The following CDH13 variants were observed in gnomAD, a reference collection of about 807,000 sequenced individuals.
CDH13 encodes the protein cadherin 13.
Under a neutral mutation model 63.8 loss-of-function variants are expected in CDH13, and 24 were observed. That is an observed-to-expected ratio of 0.38 (90% CI 0.27 to 0.53). The LOEUF is 0.53. Among genes scored for constraint, CDH13 ranks in the 20% least tolerant of loss-of-function variants. The probability of loss-of-function intolerance (pLI) is 0.85; values close to 1 mark genes in which losing one functional copy is unlikely to be tolerated. For synonymous variants in CDH13, 503 were observed against 355.3 expected, an observed-to-expected ratio of 1.42 and a Z score of -4.67; for missense variants, 1,049 against 903.1, an observed-to-expected ratio of 1.16 and a Z score of -2.07.
intron 8 of CDH13, among the ~76,000 whole-genome samples, chr16:83,653,968 A>T (rs1567485849): frequency 6.6e-6 from 1 of 152,174 alleles, no homozygotes. Context: ...GAAATGAACG[A>T]GTGGCTAGGA....
chr16:82,946,642 A>G (rs941079623), intron 2 of CDH13, among the ~76,000 whole-genome samples: 5 of 152,070 alleles, frequency 3.3e-5, no homozygotes, highest in Admixed American at 3.3e-4. Context: ...AATTGCTTGA[A>G]ACCAGGAGGT....
chr16:82,665,104 G>T (rs960417103), intron 1 of CDH13, among the ~76,000 whole-genome samples: 1 of 152,254 alleles, frequency 6.6e-6, no homozygotes, highest in East Asian at 1.9e-4. Context: ...TTCAAACTAG[G>T]TGAGACTGCC....
chr16:82,898,341 A>G (rs749083265), intron 2 of CDH13, among the ~76,000 whole-genome samples: 9 of 152,300 alleles, frequency 5.9e-5, no homozygotes, highest in Non-Finnish European at 2.9e-5. Flanking sequence ...CCTGGCCAAC[A>G]TCGTGAAACC....
rs369479481 is a variant in CDH13, at chr16:83,659,180, C to T, written c.1102-11610C>T. Among the ~76,000 whole-genome samples, 6 of 143,842 alleles carry T rather than the reference C, an allele frequency of 4.2e-5. No homozygotes were observed. In the East Asian group the frequency reaches 1.3e-3, roughly 32 times the overall value. The allele number at this position is 143,842 out of a possible 152,430, so 94.4% of individuals were successfully genotyped here. A position where few individuals can be genotyped will look rare whatever the true frequency, so the allele number is the denominator to read the frequency against. ...TCCTCACCACCAGGTCCCATATCCT[C>T]ACCAGGAAGGTCCCATATCCTCACC... On this transcript the variant is annotated intron_variant, in intron 8 of 13. Coordinates refer to ENST00000567109, the MANE Select transcript of CDH13 (RefSeq NM_001257.5).
chr16:82,926,178 C>T (rs775961654), intron 2 of CDH13: 6 of 151,992 alleles, frequency 3.9e-5, no homozygotes, highest in Admixed American at 6.6e-5. Context: ...TTACAGGCCA[C>T]AGGGTCTTTG....
chr16:83,529,776 T>G (rs1472933424), intron 7 of CDH13, among the ~76,000 whole-genome samples: 1 of 152,204 alleles, frequency 6.6e-6, no homozygotes, highest in East Asian at 1.9e-4. Flanking sequence ...AATATTGATA[T>G]TGATTTTAAA....
Position 83,617,170 on chromosome 16 carries a change from C to T in CDH13, c.1101+14576C>T, listed in dbSNP as rs143967435. On this transcript the variant is annotated intron_variant, in intron 8 of 13. Coordinates refer to ENST00000567109, the MANE Select transcript of CDH13 (RefSeq NM_001257.5). ...TTTAAGCCCATCTCCTTTTCATCTC[C>T]GCCTCTAGGGCCAAGCACAGGGGCA... Among the ~76,000 whole-genome samples, 22 of 152,282 alleles carry T rather than the reference C, an allele frequency of 1.4e-4. No individual in the cohort carries two copies. The East Asian group carries it at 3.1e-3, about 21-fold the overall frequency.
At chr16:83,282,112 T>C (rs2089192929) in intron 5 of CDH13, among the ~76,000 whole-genome samples, 1 of 152,124 alleles carries the variant, frequency 6.6e-6, no homozygotes, top group Non-Finnish European at 1.5e-5. Context: ...GAATGGCTGC[T>C]CATTGCAGCA....
intron 2 of CDH13, among the ~76,000 whole-genome samples, chr16:83,031,106 A>C (rs773140575): frequency 8.6e-5 from 13 of 150,416 alleles, no homozygotes; most frequent in Non-Finnish European, 1.6e-4. Flanking sequence ...GTATGTGTAC[A>C]TATGTGTACA....
At chr16:82,963,379 C>T (rs1354882875) in intron 2 of CDH13, among the ~76,000 whole-genome samples, 1 of 152,080 alleles carries the variant, frequency 6.6e-6, no homozygotes, top group Non-Finnish European at 1.5e-5. Context: ...AACTCTGTCT[C>T]AAAGAAAAGA....
chr16:83,153,507 G>A (rs955498482), intron 4 of CDH13, among the ~76,000 whole-genome samples: 1 of 152,168 alleles, frequency 6.6e-6, no homozygotes, highest in African/African-American at 2.4e-5. Context: ...TTTGTTTCGG[G>A]AAAGGGCTGT....
At chr16:83,529,568 AT>A (rs897965259) in intron 7 of CDH13, among the ~76,000 whole-genome samples, 9 of 152,124 alleles carry the variant, frequency 5.9e-5, no homozygotes, top group Non-Finnish European at 1.3e-4. Flanking sequence ...TGTGCATGCC[AT>A]TTTTTTGTGA....
At chr16:82,948,454 C>T (rs905127468) in intron 2 of CDH13, among the ~76,000 whole-genome samples, 2 of 152,160 alleles carry the variant, frequency 1.3e-5, no homozygotes, top group Admixed American at 6.5e-5. Context: ...GTCTTCATCA[C>T]AGTCCCAAAA....
chr16:82,987,237 C>T (rs1028313286), intron 2 of CDH13, among the ~76,000 whole-genome samples: 1 of 152,188 alleles, frequency 6.6e-6, no homozygotes, highest in African/African-American at 2.4e-5. Context: ...ACTGCTGTAT[C>T]CCTTAAACTC....
intron 11 of CDH13, among the ~76,000 whole-genome samples, chr16:83,755,289 T>G (rs1913412674): frequency 6.6e-6 from 1 of 151,864 alleles, no homozygotes; most frequent in Non-Finnish European, 1.5e-5. Flanking sequence ...GGAAGCACAG[T>G]GAGGATAAAG....
At chr16:83,269,550 T>A (rs1381708275) in intron 5 of CDH13, among the ~76,000 whole-genome samples, 1 of 152,162 alleles carries the variant, frequency 6.6e-6, no homozygotes, top group African/African-American at 2.4e-5. Flanking sequence ...CCATGGGAAC[T>A]CAGAGAACAG....
intron 4 of CDH13, among the ~76,000 whole-genome samples, chr16:83,186,927 A>G (rs112641851): frequency 0.012 from 1,860 of 152,296 alleles, 28 homozygotes; most frequent in African/African-American, 0.041. Flanking sequence ...GAGATATTTT[A>G]ATGAAAATTG....
intron 2 of CDH13, among the ~76,000 whole-genome samples, chr16:83,020,035 T>C (rs186368611): frequency 2.0e-4 from 31 of 152,290 alleles, no homozygotes; most frequent in Non-Finnish European, 3.1e-4. Flanking sequence ...TCTGACGTTA[T>C]GACAGCTACC....
At position 83,616,136 on chromosome 16, in the gene CDH13, A is replaced by G. The variant is rs539126819; in HGVS notation, c.1101+13542A>G. Among the ~76,000 whole-genome samples the G allele has an allele frequency of 3.9e-5, 6 of 152,342 alleles. No individual in the cohort carries two copies. In the South Asian group the frequency reaches 1.2e-3, roughly 32 times the overall value. On this transcript the variant is annotated intron_variant, in intron 8 of 13. Transcript: ENST00000567109. ...AGTTCCAACTAAGGAAAAGGGTGGT[A>G]TGTGCATTCCTGGATTTAATTGTTC...
Sources: allele counts gnomAD v4.1 joint callset (sites outside exome capture counted in the v4.1 genomes callset), GRCh38; gene constraint gnomAD v4.1.1; transcripts MANE v1.5; gene names NCBI Gene and HGNC (gene_info 2026-07-23, HGNC 2026-07-21).